Variants in LARGE1 observed in about 807,000 individuals in gnomAD.
LARGE1 encodes xylosyl- and glucuronyltransferase LARGE1.
In LARGE1, 43 loss-of-function variants were observed where a neutral mutation model predicts 87.6. That is an observed-to-expected ratio of 0.49 (90% CI 0.38 to 0.63). LARGE1 has a LOEUF of 0.63. Among genes scored for constraint, LARGE1 ranks in the 30% least tolerant of loss-of-function variants. The pLI, the probability that LARGE1 is intolerant of heterozygous loss-of-function variation, is 0.00. For missense variants in LARGE1, 802 were observed against 1,000.2 expected, an observed-to-expected ratio of 0.80 and a Z score of 2.67; for synonymous variants, 434 against 394.6, an observed-to-expected ratio of 1.10 and a Z score of -1.18.
At chr22:33,498,104 C>G (rs994626043) in intron 6 of LARGE1, among the ~76,000 whole-genome samples, 2 of 152,014 alleles carry the variant, frequency 1.3e-5, no homozygotes, top group South Asian at 4.1e-4. Context: ...AGGCTGGTCT[C>G]GAGTTCCTGG....
intron 1 of LARGE1, among the ~76,000 whole-genome samples, chr22:33,832,770 C>T (rs2063008086): frequency 6.6e-6 from 1 of 152,352 alleles, no homozygotes; most frequent in African/African-American, 2.4e-5. Context: ...CTGACACTGA[C>T]TCTGGCACAT....
chr22:33,659,887 C>T (rs1040598930), intron 2 of LARGE1, among the ~76,000 whole-genome samples: 1 of 151,966 alleles, frequency 6.6e-6, no homozygotes, highest in African/African-American at 2.4e-5. Flanking sequence ...AAATCATTTC[C>T]AAGAACGTTA....
chr22:33,431,794 T>C (rs1055529404), intron 7 of LARGE1, among the ~76,000 whole-genome samples: 8 of 152,200 alleles, frequency 5.3e-5, no homozygotes, highest in South Asian at 2.1e-4. Flanking sequence ...TTGGCAAAAG[T>C]ACATATCCGT....
At chr22:33,117,912 T>A in the LARGE1 span, among the ~76,000 whole-genome samples, 86 of 152,300 alleles carry the variant, frequency 5.6e-4, 1 homozygote, top group African/African-American at 2.0e-3. Flanking sequence ...CCTGAGAATG[T>A]TGACTAATGG....
intron 1 of LARGE1, among the ~76,000 whole-genome samples, chr22:33,844,003 C>T (rs1031380744): frequency 1.5e-4 from 23 of 150,960 alleles, no homozygotes; most frequent in Non-Finnish European, 2.8e-4. Context: ...CGCTTGAACC[C>T]GGGAGGCGGA....
At chr22:33,661,695 G>A (rs941148285) in intron 2 of LARGE1, among the ~76,000 whole-genome samples, 1 of 152,080 alleles carries the variant, frequency 6.6e-6, no homozygotes, top group Non-Finnish European at 1.5e-5. Flanking sequence ...CTTCACTTGA[G>A]AGGAGAAATA....
intron 12 of LARGE1, among the ~76,000 whole-genome samples, chr22:33,294,255 G>A (rs912868429): frequency 5.3e-5 from 8 of 152,348 alleles, no homozygotes; most frequent in African/African-American, 1.4e-4. Context: ...ATTGGGAATC[G>A]CAGGGCTGAA....
intron 1 of LARGE1, among the ~76,000 whole-genome samples, chr22:33,916,584 T>C (rs2065794239): frequency 6.6e-6 from 1 of 152,186 alleles, no homozygotes; most frequent in South Asian, 2.1e-4. Context: ...TAAGCAGATT[T>C]TCCAAGGTGG....
intron 2 of LARGE1, among the ~76,000 whole-genome samples, chr22:33,655,705 C>G (rs561882994): frequency 7.2e-5 from 11 of 152,242 alleles, no homozygotes; most frequent in African/African-American, 2.4e-4. Flanking sequence ...GTCTCCATCC[C>G]CAGGTCCTGG....
intron 1 of LARGE1, among the ~76,000 whole-genome samples, chr22:33,890,931 C>T (rs971722733): frequency 5.3e-5 from 8 of 152,118 alleles, no homozygotes; most frequent in African/African-American, 1.7e-4. Flanking sequence ...ACTGCCCTAG[C>T]GCCAAGGCAT....
At chr22:33,624,079 A>C (rs1424505042) in intron 4 of LARGE1, among the ~76,000 whole-genome samples, 1 of 152,212 alleles carries the variant, frequency 6.6e-6, no homozygotes, top group South Asian at 2.1e-4. Flanking sequence ...AACTGCTGAC[A>C]ATCACTCAGC....
the LARGE1 span, among the ~76,000 whole-genome samples, chr22:33,146,638 A>G: frequency 0.015 from 2,242 of 152,248 alleles, 36 homozygotes; most frequent in Admixed American, 0.053. Context: ...TCCATGGTGG[A>G]GCAGAAGAGA....
intron 1 of LARGE1, among the ~76,000 whole-genome samples, chr22:33,790,268 C>T (rs1451633872): frequency 1.3e-5 from 2 of 152,210 alleles, no homozygotes; most frequent in African/African-American, 4.8e-5. Flanking sequence ...GATTGTGAGG[C>T]CTGCCCAGCC....
chr22:33,611,474 T>C (rs570007425), intron 4 of LARGE1, among the ~76,000 whole-genome samples: 2 of 152,328 alleles, frequency 1.3e-5, no homozygotes, highest in South Asian at 4.1e-4. Flanking sequence ...CTGTAGCACC[T>C]TTCTTTTGGC....
intron 1 of LARGE1, among the ~76,000 whole-genome samples, chr22:33,906,790 G>C (rs746080488): frequency 5.9e-5 from 9 of 152,104 alleles, no homozygotes; most frequent in Non-Finnish European, 1.3e-4. Flanking sequence ...AGAAGAGAAA[G>C]ACTGGCCTCT....
intron 1 of LARGE1, among the ~76,000 whole-genome samples, chr22:33,799,303 G>A (rs2086083507): frequency 6.6e-6 from 1 of 152,130 alleles, no homozygotes; most frequent in Admixed American, 6.5e-5. Flanking sequence ...CAGTTAAGCA[G>A]CATTTCTGGA....
chr22:33,529,047 A>G (rs2072062182), intron 6 of LARGE1, among the ~76,000 whole-genome samples: 1 of 152,220 alleles, frequency 6.6e-6, no homozygotes, highest in Non-Finnish European at 1.5e-5. Context: ...CACTCCCTAC[A>G]CGTGGAATAG....
At chr22:33,794,907 A>T (rs117226192) in intron 1 of LARGE1, among the ~76,000 whole-genome samples, 28,587 of 152,120 alleles carry the variant, frequency 0.19, 3,309 homozygotes, top group Admixed American at 0.33. Flanking sequence ...ATCGTGAGTC[A>T]CCGTGCCCGG....
rs146615845 is a variant in LARGE1, at chr22:33,669,423, C to T, written c.107-18755G>A. On this transcript the variant is annotated intron_variant, in intron 2 of 14. Transcript: ENST00000397394. ...AACAGCCATCTCTGGTAGATTATAA[C>T]ATTAGTATCCTCCTATTATAGGGAT... is the stretch of plus-strand genomic sequence containing the variant. Among the ~76,000 whole-genome samples the T allele has an allele frequency of 7.1e-3, 1,076 of 152,316 alleles. 16 individuals are homozygous for T. The highest frequency in any genetic ancestry group is 0.025 in the African/African-American group (1,025 of 41,570).
Sources: allele counts gnomAD v4.1 joint callset (sites outside exome capture counted in the v4.1 genomes callset), GRCh38; gene constraint gnomAD v4.1.1; transcripts MANE v1.5; gene names NCBI Gene and HGNC (gene_info 2026-07-23, HGNC 2026-07-21).